RELN: variants seen among roughly 807,000 people sequenced by gnomAD.
The protein encoded by RELN is reelin.
Under a neutral mutation model 427.6 loss-of-function variants are expected in RELN, and 108 were observed. The observed-to-expected ratio is 0.25, with a 90% confidence interval of 0.22 to 0.30. The LOEUF (loss-of-function observed/expected upper bound fraction) is 0.30. RELN is among the 10% of genes least tolerant of loss of function. The probability of loss-of-function intolerance (pLI) is 1.00; values close to 1 mark genes in which losing one functional copy is unlikely to be tolerated. For synonymous variants in RELN, 1,524 were observed against 1,513.4 expected (o/e 1.01, Z -0.16); for missense variants, 3,715 against 4,302.8 (o/e 0.86, Z 3.82).
At chr7:103,756,635 T>A (rs3819479) in intron 4 of RELN, among the ~76,000 whole-genome samples, 35,713 of 152,092 alleles carry the variant, frequency 0.23, 4,298 homozygotes, top group South Asian at 0.29. Context: ...AATAGACACA[T>A]AACATTGTCC....
At chr7:103,700,759 T>A in intron 9 of RELN, 151 bp downstream of exon 9, 2 of 667,678 alleles carry the variant, frequency 3.0e-6, no homozygotes, top group Non-Finnish European at 2.7e-6. Flanking sequence ...GCAGGGCTGG[T>A]CATAATATGT....
intron 1 of RELN, among the ~76,000 whole-genome samples, chr7:103,950,287 A>G (rs1379933063): frequency 6.6e-6 from 1 of 152,214 alleles, no homozygotes; most frequent in Non-Finnish European, 1.5e-5. Flanking sequence ...TGGGGAGGAC[A>G]TAAACATTCA....
intron 3 of RELN, among the ~76,000 whole-genome samples, chr7:103,827,782 C>T (rs1314173812): frequency 6.6e-6 from 1 of 151,630 alleles, no homozygotes; most frequent in Non-Finnish European, 1.5e-5. Flanking sequence ...TGGGAGATGC[C>T]TGCTTAAAAA....
chr7:103,747,119 T>C (rs1424910517), intron 6 of RELN, among the ~76,000 whole-genome samples: 2 of 152,042 alleles, frequency 1.3e-5, no homozygotes, highest in African/African-American at 4.8e-5. Context: ...TGTAGGGACA[T>C]GGATGAAACT....
At chr7:103,906,703 G>A (rs990639342) in intron 2 of RELN, among the ~76,000 whole-genome samples, 2 of 152,142 alleles carry the variant, frequency 1.3e-5, no homozygotes, top group Non-Finnish European at 2.9e-5. Context: ...ATTTGACATA[G>A]CTTGGCTTTT....
chr7:103,722,278 A>G (rs1170892304), intron 8 of RELN, among the ~76,000 whole-genome samples: 3 of 152,108 alleles, frequency 2.0e-5, no homozygotes, highest in African/African-American at 7.2e-5. Flanking sequence ...CTGACTTGCA[A>G]TTTGGAATAG....
In RELN at chr7:103,701,149, C is replaced by T. The variant is rs190292042; in HGVS notation, c.806-143G>A. ...CCCATTCTTCTAATGATGCTGAAAT[C>T]TCCTGTGATCTGTTCTGGTAACTAC... On this transcript the variant is annotated intron_variant, in intron 8 of 64. Coordinates refer to ENST00000428762, the MANE Select transcript of RELN (RefSeq NM_005045.4). 807 of 665,248 alleles carry T rather than the reference C, an allele frequency of 1.2e-3. 2 individuals are homozygous for T. The highest frequency in any genetic ancestry group is 1.4e-3 in the Non-Finnish European group (506 of 369,756). The allele number at this position is 665,248 out of a possible 1,614,324, so 41.2% of individuals were successfully genotyped here.
chr7:103,919,010 T>C (rs1795551476), intron 1 of RELN, among the ~76,000 whole-genome samples: 1 of 152,160 alleles, frequency 6.6e-6, no homozygotes, highest in Non-Finnish European at 1.5e-5. Flanking sequence ...GAGTTCAGAA[T>C]TTTTTAGGAA....
intron 33 of RELN, among the ~76,000 whole-genome samples, chr7:103,565,934 C>T (rs2117187501): frequency 6.6e-6 from 1 of 151,750 alleles, no homozygotes; most frequent in East Asian, 1.9e-4. Flanking sequence ...AACATAGAGT[C>T]TTAAGTCTAC....
chr7:103,832,640 T>C lies in RELN; in HGVS notation c.473+897A>G, dbSNP rs113009493. ...TGAGGGGTAGGGGTTAGGGGTATAG[T>C]CCACATCAACAGATGTTACAGTCAC... On this transcript the variant is annotated intron_variant, in intron 3 of 64. Transcript: ENST00000428762. Among the ~76,000 whole-genome samples the C allele has an allele frequency of 4.3e-3, 649 of 152,234 alleles. 6 individuals are homozygous for C. Among genetic ancestry groups the C allele is most frequent in the African/African-American group, 0.015 (624 of 41,546 alleles).
intron 16 of RELN, among the ~76,000 whole-genome samples, chr7:103,641,048 T>C (rs1485056751): frequency 6.6e-6 from 1 of 152,204 alleles, no homozygotes; most frequent in Non-Finnish European, 1.5e-5. Context: ...GACCGTTACA[T>C]ATATTTCTAA....
intron 27 of RELN, among the ~76,000 whole-genome samples, chr7:103,592,274 T>TGA (rs1554386496): frequency 6.6e-6 from 1 of 152,164 alleles, no homozygotes; most frequent in Non-Finnish European, 1.5e-5. Context: ...CACTTACAAG[T>TGA]GAGAACATGT....
intron 2 of RELN, among the ~76,000 whole-genome samples, chr7:103,836,117 C>T (rs1421249884): frequency 6.6e-6 from 1 of 152,074 alleles, no homozygotes; most frequent in Non-Finnish European, 1.5e-5. Context: ...TGCCTGCCAC[C>T]ACAGCCAGCT....
intron 2 of RELN, 50 bp downstream of exon 2, chr7:103,917,025 T>C (rs764764589): frequency 3.2e-6 from 4 of 1,264,910 alleles, no homozygotes; most frequent in African/African-American, 1.5e-5. Context: ...ACATAAGACC[T>C]ATGACTGTAT....
intron 2 of RELN, among the ~76,000 whole-genome samples, chr7:103,845,513 C>T (rs1044173171): frequency 6.6e-6 from 1 of 152,172 alleles, no homozygotes; most frequent in African/African-American, 2.4e-5. Flanking sequence ...CACTGTAGCC[C>T]ATACTGGCTG....
At chr7:103,917,535 G>A (rs989800192) in intron 1 of RELN, among the ~76,000 whole-genome samples, 7 of 145,678 alleles carry the variant, frequency 4.8e-5, no homozygotes, top group Non-Finnish European at 7.5e-5. Context: ...TGGAGTTTTG[G>A]CATTATGATA....
At chr7:103,511,205 A>G (rs1045798103) in intron 50 of RELN, among the ~76,000 whole-genome samples, 200 bp from the exon 51 acceptor site, 1 of 152,320 alleles carries the variant, frequency 6.6e-6, no homozygotes, top group East Asian at 1.9e-4. Flanking sequence ...CCTTTGTCTG[A>G]TATTAGTACA....
intron 3 of RELN, among the ~76,000 whole-genome samples, chr7:103,803,387 T>C (rs1031803207): frequency 6.6e-6 from 1 of 152,112 alleles, no homozygotes; most frequent in Non-Finnish European, 1.5e-5. Context: ...ATGCTAGATA[T>C]CTTTAATATA....
chr7:103,929,948 C>G lies in RELN; in HGVS notation c.227-12763G>C, dbSNP rs914796482. ...TTTGAGGTCACAAATACATTTTAGT[C>G]AATAGATGAAATCACAAAGAAGGAA... On this transcript the variant is annotated intron_variant, in intron 1 of 64. Transcript: ENST00000428762. Among the ~76,000 whole-genome samples, 12 of 152,270 alleles carry G rather than the reference C, an allele frequency of 7.9e-5. No homozygotes were observed. In the South Asian group the frequency reaches 2.3e-3, roughly 29 times the overall value.
Sources: gnomAD v4.1 joint callset for allele counts (sites outside exome capture counted in the v4.1 genomes callset) on GRCh38, gnomAD v4.1.1 for gene constraint, MANE v1.5 for transcripts, NCBI Gene and HGNC (gene_info 2026-07-23, HGNC 2026-07-21) for gene names.